The following CFAP77 variants were observed in gnomAD, a reference collection of about 807,000 sequenced individuals.
The protein encoded by CFAP77 is cilia and flagella associated protein 77.
Under a neutral mutation model 31.1 loss-of-function variants are expected in CFAP77, and 25 were observed. That is an observed-to-expected ratio of 0.80 (90% CI 0.59 to 1.12). CFAP77 has a LOEUF of 1.12. Ranked by LOEUF, CFAP77 falls within the 50% of genes most tolerant of loss-of-function variation. CFAP77 has a pLI of 0.00. For synonymous variants in CFAP77, 151 were observed against 159.9 expected, an observed-to-expected ratio of 0.94 and a Z score of 0.42; for missense variants, 377 against 397.3, an observed-to-expected ratio of 0.95 and a Z score of 0.44.
chr9:132,439,486 T>G (rs2131700731), intron 1 of CFAP77, among the ~76,000 whole-genome samples: 1 of 152,294 alleles, frequency 6.6e-6, no homozygotes, highest in African/African-American at 2.4e-5. Context: ...TGGTCTGATT[T>G]AGTCTTCCTG....
chr9:132,485,701 G>A (rs750210786), intron 1 of CFAP77, among the ~76,000 whole-genome samples: 7 of 151,974 alleles, frequency 4.6e-5, no homozygotes, highest in Non-Finnish European at 1.0e-4. Context: ...TGCAAAGTAC[G>A]ACGCCAAGTG....
Position 132,412,966 on chromosome 9 carries a change from G to A in CFAP77, c.195+2500G>A, listed in dbSNP as rs200711194. 5.3e-5 allele frequency among the ~76,000 whole-genome samples: 8 copies of A among 152,206 alleles called. No homozygotes were observed. The East Asian group carries it at 1.5e-3, about 29-fold the overall frequency. The stretch of plus-strand genomic sequence containing the variant: ...TGCCTTTCCGCTATGTATGGTAGAG[G>A]TTGGGAGTGCACTCTGCCGTGGTGT... On this transcript the variant is annotated intron_variant, in intron 1 of 5. Transcript: ENST00000393216.
At chr9:132,513,216 G>C in intron 3 of CFAP77, 1 of 1,523,696 alleles carries the variant, frequency 6.6e-7, no homozygotes, top group South Asian at 1.2e-5. Flanking sequence ...TCTAGTCAAG[G>C]GAGCAAAACA....
chr9:132,493,862 CT>C (rs1325011168), intron 1 of CFAP77, among the ~76,000 whole-genome samples: 3,064 of 151,250 alleles, frequency 0.02, 89 homozygotes, highest in African/African-American at 0.071. Context: ...CTTTTCTTTT[CT>C]CTTTTCTTTT....
intron 1 of CFAP77, among the ~76,000 whole-genome samples, chr9:132,419,819 A>C (rs762662262): frequency 3.3e-5 from 5 of 152,176 alleles, no homozygotes; most frequent in Non-Finnish European, 7.3e-5. Flanking sequence ...AAGAAGTTGT[A>C]GTCTGATCAG....
intron 3 of CFAP77, among the ~76,000 whole-genome samples, chr9:132,530,425 G>A (rs529523463): frequency 3.9e-5 from 6 of 151,958 alleles, no homozygotes; most frequent in Admixed American, 1.3e-4. Context: ...ACAAGCACCC[G>A]CCACCATGCC....
chr9:132,516,328 C>A (rs1852145886), intron 3 of CFAP77, among the ~76,000 whole-genome samples: 2 of 152,178 alleles, frequency 1.3e-5, no homozygotes, highest in East Asian at 1.9e-4. Flanking sequence ...AGTCACCCAA[C>A]GCTGATCCTG....
intron 1 of CFAP77, among the ~76,000 whole-genome samples, chr9:132,444,097 G>A (rs896188582): frequency 7.9e-5 from 12 of 152,218 alleles, no homozygotes; most frequent in South Asian, 4.1e-4. Context: ...GCTCCACCTC[G>A]TCCTTCATTG....
intron 1 of CFAP77, among the ~76,000 whole-genome samples, chr9:132,429,954 A>C (rs1271310352): frequency 6.6e-6 from 1 of 152,056 alleles, no homozygotes; most frequent in Non-Finnish European, 1.5e-5. Flanking sequence ...TTGGAAGGGA[A>C]GAGGCTCAGT....
intron 1 of CFAP77, among the ~76,000 whole-genome samples, chr9:132,428,264 C>A (rs961826050): frequency 4.6e-5 from 7 of 151,932 alleles, no homozygotes; most frequent in Admixed American, 2.0e-4. Flanking sequence ...CCTGCATTGG[C>A]CTCTCAAAGC....
Position 132,455,519 on chromosome 9 carries a change from A to T in CFAP77, c.196-43176A>T, listed in dbSNP as rs1850897432. Among the ~76,000 whole-genome samples, 1 of 151,194 alleles carries T rather than the reference A, an allele frequency of 6.6e-6. No homozygotes were observed. Among genetic ancestry groups the T allele is most frequent in the Non-Finnish European group, 1.5e-5 (1 of 67,800 alleles). On this transcript the variant is annotated intron_variant, in intron 1 of 5. Transcript: ENST00000393216. The surrounding 1 kb of genome is among the most constrained non-coding windows in gnomAD (Gnocchi z 4.1). ...CGAGACTCCTGAAAAAAAAAAACAA[A>T]AAAACTTCGAGACCAGCCTGGGCAA...
At chr9:132,454,103 G>A (rs1850874992) in intron 1 of CFAP77, among the ~76,000 whole-genome samples, 1 of 151,988 alleles carries the variant, frequency 6.6e-6, no homozygotes, top group Non-Finnish European at 1.5e-5. Context: ...TTTGAAGAAA[G>A]GCAGCTGTGT....
intron 1 of CFAP77, among the ~76,000 whole-genome samples, chr9:132,450,221 C>T (rs1287198951): frequency 4.0e-5 from 6 of 151,502 alleles, no homozygotes; most frequent in Admixed American, 2.6e-4. Context: ...TGAGCCACCA[C>T]GCCCGGCCGA....
At chr9:132,504,127 G>C (rs1220789690) in intron 3 of CFAP77, among the ~76,000 whole-genome samples, 2 of 152,216 alleles carry the variant, frequency 1.3e-5, no homozygotes, top group East Asian at 1.9e-4. Context: ...AAAATAGAAA[G>C]AAGTTAAGAG....
rs955606700 is a variant in CFAP77 at position 132,494,329 on chromosome 9, C to G, written c.196-4366C>G. 5.3e-5 allele frequency among the ~76,000 whole-genome samples: 8 copies of G among 152,072 alleles called. No individual in the cohort carries two copies. The East Asian group carries it at 7.7e-4, about 15-fold the overall frequency. On this transcript the variant is annotated intron_variant, in intron 1 of 5. Transcript: ENST00000393216. ...GCCTGGCAGCATTCCTGGCCTTTACCCACTAAATGGAGGATAGCACCCTCT... is the reference window on the plus strand; with the variant it reads ...GCCTGGCAGCATTCCTGGCCTTTACGCACTAAATGGAGGATAGCACCCTCT...
At chr9:132,482,412 C>T (rs773234654) in intron 1 of CFAP77, 1 of 1,610,612 alleles carries the variant, frequency 6.2e-7, no homozygotes, top group Non-Finnish European at 8.5e-7. Flanking sequence ...CAAAGGAGGC[C>T]CACAGGTGTT....
At chr9:132,518,571 C>T (rs1852190398) in intron 3 of CFAP77, among the ~76,000 whole-genome samples, 1 of 152,130 alleles carries the variant, frequency 6.6e-6, no homozygotes, top group African/African-American at 2.4e-5. Context: ...ACTCGGTGAG[C>T]TTTGCACGTG....
intron 1 of CFAP77, among the ~76,000 whole-genome samples, chr9:132,435,361 CTT>C (rs1850488289): frequency 6.6e-6 from 1 of 152,186 alleles, no homozygotes; most frequent in Non-Finnish European, 1.5e-5. Context: ...ATTTTTAAAA[CTT>C]TACTAGAAAG....
intron 1 of CFAP77, among the ~76,000 whole-genome samples, chr9:132,426,847 C>T (rs1028291522): frequency 6.6e-6 from 1 of 152,186 alleles, no homozygotes; most frequent in Non-Finnish European, 1.5e-5. Flanking sequence ...CATTAGGCAT[C>T]GCTACATTGT....
Sources: allele counts gnomAD v4.1 joint callset (sites outside exome capture counted in the v4.1 genomes callset), GRCh38; gene constraint gnomAD v4.1.1; non-coding constraint Gnocchi (gnomAD v3.1); transcripts MANE v1.5; gene names NCBI Gene and HGNC (gene_info 2026-07-23, HGNC 2026-07-21).